The following EPHA7 variants were observed in gnomAD, a reference collection of about 807,000 sequenced individuals.
EPHA7 encodes ephrin type-A receptor 7.
A neutral mutation model predicts 112.6 loss-of-function variants in EPHA7; 25 were observed. That is an observed-to-expected ratio of 0.22 (90% CI 0.16 to 0.31). The LOEUF (loss-of-function observed/expected upper bound fraction) is 0.31. Among genes scored for constraint, EPHA7 ranks in the 10% least tolerant of loss-of-function variants. EPHA7 has a pLI of 1.00. For missense variants in EPHA7, 962 were observed against 1,212.6 expected, an observed-to-expected ratio of 0.79 and a Z score of 3.07; for synonymous variants, 437 against 406.5, an observed-to-expected ratio of 1.07 and a Z score of -0.90.
intron 1 of EPHA7, among the ~76,000 whole-genome samples, chr6:93,418,023 C>A (rs1779332057): frequency 6.6e-6 from 1 of 152,108 alleles, no homozygotes; most frequent in African/African-American, 2.4e-5. Flanking sequence ...CCCCTCAACA[C>A]CCCGCCCGAT....
At chr6:93,349,656 A>C (rs1775589252) in intron 5 of EPHA7, among the ~76,000 whole-genome samples, 1 of 151,994 alleles carries the variant, frequency 6.6e-6, no homozygotes, top group Non-Finnish European at 1.5e-5. Context: ...ACTTTATATA[A>C]CCAATAAATG....
intron 14 of EPHA7, among the ~76,000 whole-genome samples, chr6:93,251,032 T>G (rs1292030605): frequency 6.6e-6 from 1 of 152,068 alleles, no homozygotes; most frequent in East Asian, 1.9e-4. Flanking sequence ...GAGCCTGTAA[T>G]AACTCAAAAT....
intron 5 of EPHA7, among the ~76,000 whole-genome samples, chr6:93,281,996 T>A (rs974714917): frequency 2.0e-5 from 3 of 152,010 alleles, no homozygotes; most frequent in African/African-American, 7.2e-5. Context: ...TATACAATTT[T>A]ACATATATAT....
At chr6:93,379,651 T>C (rs1777237115) in intron 3 of EPHA7, among the ~76,000 whole-genome samples, 1 of 152,018 alleles carries the variant, frequency 6.6e-6, no homozygotes, top group Non-Finnish European at 1.5e-5. Flanking sequence ...ACCAGGACCC[T>C]TTCAAGAGTG....
At position 93,365,936 on chromosome 6, in the gene EPHA7, CAT is replaced by C. The variant is rs201121853; in HGVS notation, c.833-7527_833-7526del. Among the ~76,000 whole-genome samples, 820 of 152,120 alleles carry C rather than the reference CAT, an allele frequency of 5.4e-3. 7 individuals are homozygous for C. Among genetic ancestry groups the C allele is most frequent in the African/African-American group, 0.019 (769 of 41,494 alleles). ...AATAACATATAGTGGAAAAGAAAAACATGTAAAATAAGAAGCTTTAAAAAGTT... is the reference window on the plus strand; with the variant it reads ...AATAACATATAGTGGAAAAGAAAAACGTAAAATAAGAAGCTTTAAAAAGTT... On this transcript the variant is annotated intron_variant, in intron 3 of 16. Transcript: ENST00000369303.
intron 7 of EPHA7, among the ~76,000 whole-genome samples, chr6:93,266,907 A>G (rs944649577): frequency 6.6e-6 from 1 of 151,778 alleles, no homozygotes; most frequent in African/African-American, 2.4e-5. Flanking sequence ...ACTGGTTCAC[A>G]AAGAGTAGTC....
chr6:93,248,190 T>C (rs1770045167), intron 14 of EPHA7, among the ~76,000 whole-genome samples: 1 of 152,014 alleles, frequency 6.6e-6, no homozygotes, highest in Non-Finnish European at 1.5e-5. Context: ...TTAAGAAATG[T>C]TGATGGTCTT....
At chr6:93,359,597 C>T (rs1449969660) in intron 3 of EPHA7, among the ~76,000 whole-genome samples, 1 of 151,868 alleles carries the variant, frequency 6.6e-6, no homozygotes, top group Non-Finnish European at 1.5e-5. Flanking sequence ...ATTTTTCACT[C>T]TGCGGGGCAT....
At chr6:93,352,981 T>C (rs1582577171) in intron 5 of EPHA7, among the ~76,000 whole-genome samples, 1 of 151,930 alleles carries the variant, frequency 6.6e-6, no homozygotes, top group Non-Finnish European at 1.5e-5. Flanking sequence ...AAATAACAAA[T>C]GGGCAGTAGG....
chr6:93,329,013 T>C (rs963059540), intron 5 of EPHA7, among the ~76,000 whole-genome samples: 2 of 151,524 alleles, frequency 1.3e-5, no homozygotes, highest in South Asian at 4.1e-4. Flanking sequence ...CATCTGTTAA[T>C]ATTAAAAATA....
rs1460028452 is a variant in EPHA7 at position 93,252,698 on chromosome 6, GA to G, written c.2532+1948del. 2.6e-5 allele frequency among the ~76,000 whole-genome samples: 4 copies of G among 151,946 alleles called. 1 individual carries two copies. Among genetic ancestry groups the G allele is most frequent in the Middle Eastern group, 6.8e-3 (2 of 294 alleles). On this transcript the variant is annotated intron_variant, in intron 14 of 16. Transcript: ENST00000369303. ...TAAAATAATGAATATTATCTAATAA[GA>G]AGAATATGAATATCAATTTCACTGT...
intron 10 of EPHA7, 117 bp from the exon 11 acceptor site, chr6:93,258,401 T>A: frequency 9.0e-7 from 1 of 1,111,506 alleles, no homozygotes; most frequent in Non-Finnish European, 1.3e-6. Context: ...GAAAGCATTT[T>A]AAAATATTTT....
intron 3 of EPHA7, among the ~76,000 whole-genome samples, chr6:93,373,538 TCTA>T (rs1776905924): frequency 6.6e-6 from 1 of 152,126 alleles, no homozygotes; most frequent in Non-Finnish European, 1.5e-5. Flanking sequence ...GCCATTGACT[TCTA>T]CTCATGATTC....
At position 93,258,276 on chromosome 6, in the gene EPHA7, C is replaced by G. The variant is rs367646826; in HGVS notation, c.1933G>C (p.Gly645Arg). Reference sequence around the variant, plus strand: ...TTCAAACGGCCACTGCAGACTTCACCGAATTCTCCTGAAGTAACAGAACAA... The same window carrying G: ...TTCAAACGGCCACTGCAGACTTCACGGAATTCTCCTGAAGTAACAGAACAA... ...IERVIGAGEF[G>R]EVCSGRLKLP... The change falls in exon 11 of 17, where the codon GGT becomes CGT. Residue 645 changes from glycine to arginine, a missense_variant. Physicochemically the swap from Gly to Arg is moderately radical, Grantham distance 125. Coordinates refer to ENST00000369303, the MANE Select transcript of EPHA7 (RefSeq NM_004440.4). 1 of 1,588,912 alleles carries G rather than the reference C, an allele frequency of 6.3e-7. No individual in the cohort carries two copies. Among genetic ancestry groups the G allele is most frequent in the Admixed American group, 1.8e-5 (1 of 56,980 alleles).
chr6:93,373,537 T>C (rs916972579), intron 3 of EPHA7, among the ~76,000 whole-genome samples: 1 of 152,126 alleles, frequency 6.6e-6, no homozygotes, highest in African/African-American at 2.4e-5. Flanking sequence ...TGCCATTGAC[T>C]TCTACTCATG....
At chr6:93,329,037 C>T (rs1192644601) in intron 5 of EPHA7, among the ~76,000 whole-genome samples, 1 of 151,246 alleles carries the variant, frequency 6.6e-6, no homozygotes, top group Non-Finnish European at 1.5e-5. Flanking sequence ...TTAACAATAA[C>T]ATATACACAC....
intron 5 of EPHA7, among the ~76,000 whole-genome samples, chr6:93,332,534 GTTAAA>G (rs1418381277): frequency 6.6e-6 from 1 of 151,524 alleles, no homozygotes; most frequent in South Asian, 2.1e-4. Context: ...CAATTATAAT[GTTAAA>G]TTTAATTTTT....
intron 1 of EPHA7, among the ~76,000 whole-genome samples, chr6:93,416,841 G>T (rs1779255868): frequency 1.3e-5 from 2 of 151,988 alleles, no homozygotes; most frequent in Non-Finnish European, 2.9e-5. Flanking sequence ...GGCAACGACC[G>T]CGCGGGCAAA....
chr6:93,343,622 T>G (rs958599945), intron 5 of EPHA7, among the ~76,000 whole-genome samples: 23 of 151,714 alleles, frequency 1.5e-4, no homozygotes, highest in African/African-American at 4.6e-4. Flanking sequence ...GTTAGTAACT[T>G]AATCCCAGCC....
Sources: gnomAD v4.1 joint callset for allele counts (sites outside exome capture counted in the v4.1 genomes callset) on GRCh38, gnomAD v4.1.1 for gene constraint, MANE v1.5 for transcripts, NCBI Gene and HGNC (gene_info 2026-07-23, HGNC 2026-07-21) for gene names.